LDB2: variants seen among roughly 807,000 people sequenced by gnomAD.
The protein encoded by LDB2 is LIM domain binding 2, also known as LIM domain-binding protein 2.
Under a neutral mutation model 44.3 loss-of-function variants are expected in LDB2, and 12 were observed. The ratio of observed to expected loss-of-function variants is 0.27; its 90% CI spans 0.17 to 0.44. LDB2 has a LOEUF of 0.44. LDB2 is among the 20% of genes least tolerant of loss of function. The pLI is 1.00. For synonymous variants in LDB2, 164 were observed against 174.8 expected, an observed-to-expected ratio of 0.94 and a Z score of 0.49; for missense variants, 344 against 473.5, an observed-to-expected ratio of 0.73 and a Z score of 2.54.
intron 2 of LDB2, among the ~76,000 whole-genome samples, chr4:16,661,061 A>G (rs535735704): frequency 6.6e-6 from 1 of 152,044 alleles, no homozygotes; most frequent in Non-Finnish European, 1.5e-5. Context: ...TGTTCTTTCC[A>G]ATCGTTTTTC....
Position 16,566,545 on chromosome 4 carries a change from GA to G in LDB2, c.615+19376del, listed in dbSNP as rs370941673. On this transcript the variant is annotated intron_variant, in intron 5 of 7. Transcript: ENST00000304523. The stretch of plus-strand genomic sequence containing the variant: ...GGTGGATCAATTATTTAAACATAAA[GA>G]AAAAAATCACCCCATTTTAAAGGTG... Among the ~76,000 whole-genome samples the G allele has an allele frequency of 2.4e-4, 37 of 151,948 alleles. No individual in the cohort carries two copies. The South Asian group carries it at 6.0e-3, about 25-fold the overall frequency.
At chr4:16,728,655 T>C (rs1760061208) in intron 2 of LDB2, among the ~76,000 whole-genome samples, 1 of 152,214 alleles carries the variant, frequency 6.6e-6, no homozygotes, top group Non-Finnish European at 1.5e-5. Flanking sequence ...TTGGTGTAAT[T>C]TTTCTAGCCA....
chr4:16,508,688 T>C lies in LDB2; in HGVS notation c.740-2A>G. The C allele has an allele frequency of 6.2e-7, 1 of 1,613,182 alleles. No homozygotes were observed. Among genetic ancestry groups the C allele is most frequent in the Non-Finnish European group, 8.5e-7 (1 of 1,179,562 alleles). On this transcript the variant is annotated splice_acceptor_variant, in intron 6 of 7. Transcript: ENST00000304523. LOFTEE classifies it high-confidence loss of function. ...TTGTTGGTTGCCTTGTGGGTTCTGCTGCAATATGGAAAAGGGAAGAGGGAT... is the reference window on the plus strand; with the variant it reads ...TTGTTGGTTGCCTTGTGGGTTCTGCCGCAATATGGAAAAGGGAAGAGGGAT...
intron 7 of LDB2, among the ~76,000 whole-genome samples, 163 bp downstream of exon 7, chr4:16,508,372 C>T (rs1186315759): frequency 6.6e-6 from 1 of 152,158 alleles, no homozygotes; most frequent in Non-Finnish European, 1.5e-5. Context: ...GGCAGAGTTC[C>T]TCCCTCCCAT....
chr4:16,569,406 A>T (rs1745617063), intron 5 of LDB2, among the ~76,000 whole-genome samples: 1 of 152,190 alleles, frequency 6.6e-6, no homozygotes, highest in Non-Finnish European at 1.5e-5. Flanking sequence ...CTTCTTGAGT[A>T]GACTTTGAGT....
At chr4:16,754,812 G>C (rs369840225) in intron 2 of LDB2, among the ~76,000 whole-genome samples, 1 of 152,086 alleles carries the variant, frequency 6.6e-6, no homozygotes, top group Admixed American at 6.6e-5. Context: ...GATTACAGGC[G>C]TTAGCCACAG....
intron 2 of LDB2, among the ~76,000 whole-genome samples, chr4:16,621,348 G>A (rs1452342245): frequency 6.6e-6 from 1 of 152,110 alleles, no homozygotes; most frequent in African/African-American, 2.4e-5. Flanking sequence ...TGGTCCCAGA[G>A]GGTAGAGCAA....
chr4:16,537,151 G>A (rs191695237), intron 5 of LDB2, among the ~76,000 whole-genome samples: 50 of 152,270 alleles, frequency 3.3e-4, no homozygotes, highest in African/African-American at 1.1e-3. Context: ...TGGTGAGACT[G>A]TTGCAAGAAC....
chr4:16,803,112 T>TAC (rs1409639333), intron 1 of LDB2, among the ~76,000 whole-genome samples: 1 of 152,236 alleles, frequency 6.6e-6, no homozygotes, highest in Non-Finnish European at 1.5e-5. Context: ...CCTGTTGGAC[T>TAC]ACATTAAGGA....
intron 2 of LDB2, among the ~76,000 whole-genome samples, chr4:16,734,426 C>T (rs1368023841): frequency 6.6e-6 from 1 of 152,158 alleles, no homozygotes. Context: ...AATCTCTGTT[C>T]CCTGGAACGG....
At chr4:16,791,646 A>AT (rs1189271002) in intron 1 of LDB2, among the ~76,000 whole-genome samples, 6 of 149,590 alleles carry the variant, frequency 4.0e-5, no homozygotes, top group Admixed American at 1.3e-4. Flanking sequence ...GGCTTTAGAT[A>AT]TTTTTTTTGA....
chr4:16,669,738 T>C (rs1407282906), intron 2 of LDB2, among the ~76,000 whole-genome samples: 1 of 152,182 alleles, frequency 6.6e-6, no homozygotes, highest in Non-Finnish European at 1.5e-5. Context: ...CAATTTCTAA[T>C]ACTTAAAACC....
At chr4:16,673,103 G>A (rs998206768) in intron 2 of LDB2, among the ~76,000 whole-genome samples, 1 of 151,908 alleles carries the variant, frequency 6.6e-6, no homozygotes, top group Admixed American at 6.6e-5. Context: ...GTGACCAATG[G>A]GATTGTAATT....
chr4:16,589,852 TA>T (rs1363534456), intron 3 of LDB2, among the ~76,000 whole-genome samples: 1 of 152,196 alleles, frequency 6.6e-6, no homozygotes, highest in Non-Finnish European at 1.5e-5. Flanking sequence ...TTCTACTTTT[TA>T]CTCATTCTGG....
chr4:16,891,304 C>CTTTTTTT (rs559119712), intron 1 of LDB2, among the ~76,000 whole-genome samples: 2 of 77,550 alleles, frequency 2.6e-5, no homozygotes, highest in Non-Finnish European at 4.9e-5. Flanking sequence ...CTTAAGTATT[C>CTTTTTTT]TTTTTTTTTT....
intron 2 of LDB2, among the ~76,000 whole-genome samples, chr4:16,670,856 ATT>A (rs1277585279): frequency 3.3e-5 from 5 of 152,178 alleles, no homozygotes; most frequent in African/African-American, 1.2e-4. Flanking sequence ...ATTGTTATTT[ATT>A]GAGTGTTTAC....
intron 2 of LDB2, among the ~76,000 whole-genome samples, chr4:16,677,873 G>A (rs11728655): frequency 0.013 from 1,936 of 152,262 alleles, 20 homozygotes; most frequent in Non-Finnish European, 0.021. Context: ...GAAACACTGG[G>A]AAATGGCTAG....
chr4:16,713,172 T>C (rs1756311138), intron 2 of LDB2, among the ~76,000 whole-genome samples: 1 of 152,210 alleles, frequency 6.6e-6, no homozygotes, highest in Non-Finnish European at 1.5e-5. Flanking sequence ...ACACTAATAG[T>C]TGACTTGGGC....
chr4:16,857,794 A>G (rs1789645333), intron 1 of LDB2, among the ~76,000 whole-genome samples: 1 of 152,136 alleles, frequency 6.6e-6, no homozygotes, highest in South Asian at 2.1e-4. Flanking sequence ...TGTCTAAACA[A>G]GCAAACCTCC....
Sources: gnomAD v4.1 joint callset for allele counts (sites outside exome capture counted in the v4.1 genomes callset) on GRCh38, gnomAD v4.1.1 for gene constraint, MANE v1.5 for transcripts, NCBI Gene and HGNC (gene_info 2026-07-23, HGNC 2026-07-21) for gene names.